The following TBCD variants were observed in gnomAD, a reference collection of about 807,000 sequenced individuals.
The protein encoded by TBCD is tubulin-specific chaperone D.
In TBCD, 105 loss-of-function variants were observed where a neutral mutation model predicts 169.3. The ratio of observed to expected loss-of-function variants is 0.62; its 90% CI spans 0.53 to 0.73. The LOEUF is 0.73. Among genes scored for constraint, TBCD ranks in the 30% least tolerant of loss-of-function variants. The pLI is 0.00. For synonymous variants in TBCD, 700 were observed against 643.9 expected, an observed-to-expected ratio of 1.09 and a Z score of -1.32; for missense variants, 1,444 against 1,600.1, an observed-to-expected ratio of 0.90 and a Z score of 1.66.
At chr17:82,887,109 C>T (rs1291684674) in intron 15 of TBCD, among the ~76,000 whole-genome samples, 2 of 149,656 alleles carry the variant, frequency 1.3e-5, no homozygotes, top group Admixed American at 6.6e-5. Context: ...CTTATTCCTT[C>T]TTCCTTGGTT....
chr17:82,931,636 G>T (rs1259237849), intron 33 of TBCD, among the ~76,000 whole-genome samples: 1 of 152,214 alleles, frequency 6.6e-6, no homozygotes, highest in African/African-American at 2.4e-5. Context: ...TGGTAGAGCT[G>T]CAGGCAGTCT....
intron 34 of TBCD, 141 bp downstream of exon 34, chr17:82,932,876 A>G: frequency 1.4e-6 from 1 of 727,144 alleles, no homozygotes; most frequent in East Asian, 2.7e-5. Flanking sequence ...GTGACTGTAA[A>G]TACCGTCATC....
chr17:82,865,166 G>A (rs67735447), intron 13 of TBCD, among the ~76,000 whole-genome samples: 38 of 150,964 alleles, frequency 2.5e-4, no homozygotes, highest in South Asian at 8.4e-4. Flanking sequence ...CAACACTGGC[G>A]TTTTTTTTTC....
chr17:82,885,309 C>G (rs2058644900), intron 15 of TBCD, among the ~76,000 whole-genome samples: 2 of 152,162 alleles, frequency 1.3e-5, no homozygotes, highest in African/African-American at 4.8e-5. Flanking sequence ...GGTTCTCTCT[C>G]TCTCTCAAAT....
At chr17:82,937,601 C>A in intron 35 of TBCD, 1 of 599,036 alleles carries the variant, frequency 1.7e-6, no homozygotes, top group Non-Finnish European at 2.9e-6. Flanking sequence ...TCGCGCTCTG[C>A]CCTGGCGGGA....
intron 13 of TBCD, among the ~76,000 whole-genome samples, chr17:82,846,074 G>T (rs1460743905): frequency 1.3e-5 from 2 of 152,222 alleles, no homozygotes; most frequent in African/African-American, 4.8e-5. Context: ...GGCACCTCTC[G>T]CCTGGCTGTG....
Position 82,923,848 on chromosome 17 carries a change from C to T in TBCD, c.2260+115C>T, listed in dbSNP as rs1353191780. On this transcript the variant is annotated intron_variant, in intron 26 of 38. Coordinates refer to ENST00000355528, the MANE Select transcript of TBCD (RefSeq NM_005993.5). The surrounding 1 kb of genome is among the most constrained non-coding windows in gnomAD (Gnocchi z 4.6). The stretch of plus-strand genomic sequence containing the variant: ...TGCAGTGGAGCAGAGCCACCACGAT[C>T]ATGGCTGGAGTGGGACTGTTCGGGT... 4.8e-6 allele frequency: 4 copies of T among 837,364 alleles called. No individual in the cohort carries two copies. Among genetic ancestry groups the T allele is most frequent in the Non-Finnish European group, 7.4e-6 (4 of 538,226 alleles). 51.9% of individuals were successfully genotyped at this position (837,364 alleles called of 1,614,324 possible).
chr17:82,801,690 G>A (rs1429813790), intron 9 of TBCD, among the ~76,000 whole-genome samples: 2 of 134,424 alleles, frequency 1.5e-5, no homozygotes, highest in Admixed American at 7.4e-5. Flanking sequence ...GCAGGAGGGC[G>A]GCGTGTGCGT....
intron 13 of TBCD, among the ~76,000 whole-genome samples, chr17:82,857,783 CA>C (rs1364939820): frequency 8.2e-6 from 1 of 122,264 alleles, no homozygotes; most frequent in Admixed American, 8.1e-5. Flanking sequence ...ATTTTTTTTT[CA>C]TTTTTTTTTT....
chr17:82,809,878 T>C, intron 12 of TBCD, 96 bp downstream of exon 12: 2 of 1,164,648 alleles, frequency 1.7e-6, no homozygotes, highest in Non-Finnish European at 2.5e-6. Context: ...TTCATTGAGC[T>C]GTTTGTCAGA....
rs1330058006 is a variant in TBCD at position 82,807,998 on chromosome 17, C to G, written c.1148+330C>G. ...TCCCCACAGATGGGGGTCACGGCTCCTACAATGACGGTGCTCAGGGAAGAG... is the reference window on the plus strand; with the variant it reads ...TCCCCACAGATGGGGGTCACGGCTCGTACAATGACGGTGCTCAGGGAAGAG... On this transcript the variant is annotated intron_variant, in intron 11 of 38. Transcript: ENST00000355528. Among the ~76,000 whole-genome samples the G allele has an allele frequency of 2.6e-5, 4 of 152,320 alleles. No individual in the cohort carries two copies. The East Asian group carries it at 7.7e-4, about 29-fold the overall frequency.
At chr17:82,757,468 A>C (rs1226327033) in intron 2 of TBCD, among the ~76,000 whole-genome samples, 1 of 151,954 alleles carries the variant, frequency 6.6e-6, no homozygotes, top group African/African-American at 2.4e-5. Context: ...TAATAATACA[A>C]AACGTTAGCT....
At chr17:82,856,793 C>T (rs1460139681) in intron 13 of TBCD, among the ~76,000 whole-genome samples, 1 of 140,090 alleles carries the variant, frequency 7.1e-6, no homozygotes, top group Admixed American at 7.0e-5. Flanking sequence ...TGCGGACCCT[C>T]GCTGCGCATC....
chr17:82,870,386 C>T lies in TBCD; in HGVS notation c.1475+6C>T. ...TTTGTGACTGCAATCTCGAGGTAGG[C>T]CCATTCGTCGAGGTACATCGGATGC... On this transcript the variant is annotated splice_donor_region_variant and intron_variant, in intron 14 of 38. Coordinates refer to ENST00000355528, the MANE Select transcript of TBCD (RefSeq NM_005993.5). 1 of 1,611,450 alleles carries T rather than the reference C, an allele frequency of 6.2e-7. No individual in the cohort carries two copies. Among genetic ancestry groups the T allele is most frequent in the Non-Finnish European group, 8.5e-7 (1 of 1,178,808 alleles).
At chr17:82,839,325 C>A (rs1226250090) in intron 13 of TBCD, among the ~76,000 whole-genome samples, 1 of 151,972 alleles carries the variant, frequency 6.6e-6, no homozygotes, top group Non-Finnish European at 1.5e-5. Flanking sequence ...ACCCTAAATT[C>A]AGCCTAATGT....
chr17:82,778,905 A>G (rs1598447696), intron 6 of TBCD, among the ~76,000 whole-genome samples: 2 of 151,896 alleles, frequency 1.3e-5, no homozygotes, highest in African/African-American at 2.4e-5. Flanking sequence ...CAGGTGATCC[A>G]CCCGTCTTGA....
intron 7 of TBCD, among the ~76,000 whole-genome samples, chr17:82,787,164 C>A (rs565932909): frequency 3.3e-5 from 5 of 152,158 alleles, no homozygotes; most frequent in Admixed American, 6.5e-5. Context: ...TGTGCCACCC[C>A]CCGGCATATG....
intron 13 of TBCD, among the ~76,000 whole-genome samples, chr17:82,836,679 C>T (rs1427865280): frequency 6.7e-6 from 1 of 148,612 alleles, no homozygotes; most frequent in Admixed American, 6.7e-5. Flanking sequence ...ATTGCTGATA[C>T]TTTTAGGCAA....
intron 12 of TBCD, among the ~76,000 whole-genome samples, chr17:82,814,440 C>T (rs142919964): frequency 9.8e-4 from 150 of 152,366 alleles, no homozygotes; most frequent in African/African-American, 3.2e-3. Context: ...CTCGGGAGAT[C>T]TGAAGAGGCC....
Sources: allele counts gnomAD v4.1 joint callset (sites outside exome capture counted in the v4.1 genomes callset), GRCh38; gene constraint gnomAD v4.1.1; non-coding constraint Gnocchi (gnomAD v3.1); transcripts MANE v1.5; gene names NCBI Gene and HGNC (gene_info 2026-07-23, HGNC 2026-07-21).